Variants in LGSN observed in about 807,000 individuals in gnomAD.
The protein encoded by LGSN is lengsin, lens protein with glutamine synthetase domain, also known as lengsin.
Under a neutral mutation model 19.5 loss-of-function variants are expected in LGSN, and 21 were observed. The observed-to-expected ratio is 1.07, with a 90% confidence interval of 0.76 to 1.55. LGSN has a LOEUF of 1.55. Ranked by LOEUF, LGSN falls within the 40% of genes most tolerant of loss-of-function variation. LGSN has a pLI of 0.00. For synonymous variants in LGSN, 257 were observed against 215.6 expected (o/e 1.19, Z -1.68); for missense variants, 673 against 608.5 (o/e 1.11, Z -1.12).
At chr6:63,455,248 C>T in the LGSN span, among the ~76,000 whole-genome samples, 2 of 152,330 alleles carry the variant, frequency 1.3e-5, no homozygotes, top group African/African-American at 4.8e-5. Context: ...GAATATGGGA[C>T]TTCACTCTCC....
the LGSN span, among the ~76,000 whole-genome samples, chr6:63,563,422 A>G: frequency 6.6e-6 from 1 of 152,046 alleles, no homozygotes; most frequent in Non-Finnish European, 1.5e-5. Flanking sequence ...CACCAAAAAT[A>G]TCTCTCTTCC....
the LGSN span, among the ~76,000 whole-genome samples, chr6:63,467,715 G>A: frequency 2.4e-3 from 359 of 152,154 alleles, 21 homozygotes; most frequent in East Asian, 0.061. Flanking sequence ...TTTTTGAGAC[G>A]GAGTCTCACT....
At chr6:63,518,781 G>A in the LGSN span, among the ~76,000 whole-genome samples, 3 of 152,256 alleles carry the variant, frequency 2.0e-5, no homozygotes, top group Middle Eastern at 0.01. Context: ...ATGTACCTGG[G>A]AAGTTGCTGA....
At chr6:63,403,217 G>C in the LGSN span, among the ~76,000 whole-genome samples, 1 of 152,064 alleles carries the variant, frequency 6.6e-6, no homozygotes, top group South Asian at 2.1e-4. Context: ...ATGATCCTAG[G>C]TTATTATTTT....
At chr6:63,433,083 G>A in the LGSN span, among the ~76,000 whole-genome samples, 1 of 151,830 alleles carries the variant, frequency 6.6e-6, no homozygotes, top group African/African-American at 2.4e-5. Context: ...TACTTCTAGG[G>A]CTTCTCTCCT....
At chr6:63,474,445 A>G in the LGSN span, among the ~76,000 whole-genome samples, 30 of 151,906 alleles carry the variant, frequency 2.0e-4, no homozygotes, top group Middle Eastern at 3.4e-3. Flanking sequence ...CGTCTCTACT[A>G]AAAATACAAA....
intron 3 of LGSN, among the ~76,000 whole-genome samples, chr6:63,284,710 T>C (rs1389382281): frequency 6.6e-6 from 1 of 152,200 alleles, no homozygotes; most frequent in African/African-American, 2.4e-5. Context: ...AAACAACATG[T>C]ATTCTTGCCT....
the LGSN span, among the ~76,000 whole-genome samples, chr6:63,364,490 G>A: frequency 7.9e-5 from 12 of 152,260 alleles, no homozygotes; most frequent in South Asian, 1.9e-3. Flanking sequence ...AATAATGGGA[G>A]ACTTTAACAC....
chr6:63,404,597 T>A, the LGSN span, among the ~76,000 whole-genome samples: 1 of 152,022 alleles, frequency 6.6e-6, no homozygotes, highest in African/African-American at 2.4e-5. Context: ...ATCTTCTCCC[T>A]GGAACTTCAT....
At chr6:63,468,069 T>C in the LGSN span, among the ~76,000 whole-genome samples, 1 of 152,228 alleles carries the variant, frequency 6.6e-6, no homozygotes, top group Non-Finnish European at 1.5e-5. Flanking sequence ...TACATGACTT[T>C]TTTGAGAAGA....
chr6:63,347,961 T>TA, the LGSN span, among the ~76,000 whole-genome samples: 1 of 152,152 alleles, frequency 6.6e-6, no homozygotes, highest in African/African-American at 2.4e-5. Flanking sequence ...GAAAATAAGA[T>TA]ATAAGATCAA....
At chr6:63,292,985 C>T (rs1308308576) in intron 2 of LGSN, among the ~76,000 whole-genome samples, 1 of 152,074 alleles carries the variant, frequency 6.6e-6, no homozygotes, top group Admixed American at 6.6e-5. Context: ...TATGTTTAAC[C>T]CTGTCATTAT....
chr6:63,403,133 G>C, the LGSN span, among the ~76,000 whole-genome samples: 1 of 151,312 alleles, frequency 6.6e-6, no homozygotes, highest in South Asian at 2.1e-4. Flanking sequence ...CATTCTATTG[G>C]TTCTGCCTCT....
the LGSN span, among the ~76,000 whole-genome samples, chr6:63,337,249 C>A: frequency 2.0e-5 from 3 of 151,718 alleles, no homozygotes; most frequent in Non-Finnish European, 4.4e-5. Flanking sequence ...AATGTAGTTT[C>A]CTAAAATACA....
upstream of LGSN, among the ~76,000 whole-genome samples, chr6:63,323,157 A>G (rs773300663): frequency 1.5e-4 from 23 of 152,248 alleles, no homozygotes; most frequent in Non-Finnish European, 2.8e-4. Context: ...TCCAAGGCAC[A>G]TAAGGAGCTT....
At chr6:63,472,747 T>C in the LGSN span, among the ~76,000 whole-genome samples, 1 of 151,914 alleles carries the variant, frequency 6.6e-6, no homozygotes, top group African/African-American at 2.4e-5. Flanking sequence ...GAAACCATCC[T>C]GGCTAACGCA....
At chr6:63,388,663 A>G in the LGSN span, among the ~76,000 whole-genome samples, 1 of 152,210 alleles carries the variant, frequency 6.6e-6, no homozygotes, top group Non-Finnish European at 1.5e-5. Flanking sequence ...GAAGAAATAA[A>G]TTTCTATTGT....
the LGSN span, chr6:63,392,484 G>A: frequency 9.8e-5 from 15 of 152,334 alleles, no homozygotes; most frequent in African/African-American, 3.6e-4. Context: ...TGTGGGACTG[G>A]AACTACTGGT....
chr6:63,516,993 T>C, the LGSN span, among the ~76,000 whole-genome samples: 8 of 152,140 alleles, frequency 5.3e-5, no homozygotes, highest in Non-Finnish European at 7.4e-5. Context: ...AAATAAACCA[T>C]TGACCGAAGC....
Sources: allele counts gnomAD v4.1 joint callset (sites outside exome capture counted in the v4.1 genomes callset), GRCh38; gene constraint gnomAD v4.1.1; transcripts MANE v1.5; gene names NCBI Gene and HGNC (gene_info 2026-07-23, HGNC 2026-07-21).